C17orf58: variants seen among roughly 807,000 people sequenced by gnomAD.
C17orf58 encodes the protein UPF0450 protein C17orf58.
In C17orf58, 5 loss-of-function variants were observed where a neutral mutation model predicts 7.4. The observed-to-expected ratio is 0.67, with a 90% CI of 0.35 to 1.42. C17orf58 has a LOEUF of 1.42. Among genes scored for constraint, C17orf58 ranks in the 40% most tolerant of loss-of-function variants. The pLI is 0.04. For missense variants in C17orf58, 162 were observed against 174.2 expected (o/e 0.93, Z 0.40); for synonymous variants, 60 against 70.6 (o/e 0.85, Z 0.75).
intron 1 of C17orf58, among the ~76,000 whole-genome samples, chr17:67,995,527 G>T (rs578194465): frequency 6.6e-6 from 1 of 152,332 alleles, no homozygotes; most frequent in East Asian, 1.9e-4. Context: ...ACAAAAACAC[G>T]ATCCCCCAGA....
In C17orf58 at chr17:67,995,844, G is replaced by A. The variant is rs1328591511; in HGVS notation, c.76+279C>T. On this transcript the variant is annotated intron_variant, in intron 1 of 3. Transcript: ENST00000580729. ...CCTTTTGACACTTTCCCTCCTCCGTGATGGAGCAACTACTTAACATGCAAA... is the reference window on the plus strand; with the variant it reads ...CCTTTTGACACTTTCCCTCCTCCGTAATGGAGCAACTACTTAACATGCAAA... 1.1e-4 allele frequency among the ~76,000 whole-genome samples: 17 copies of A among 152,380 alleles called. No individual in the cohort carries two copies. The East Asian group carries it at 2.1e-3, about 19-fold the overall frequency.
chr17:67,992,165 G>A (rs879995064), intron 3 of C17orf58, 62 bp from the exon 4 acceptor site: 5 of 1,413,168 alleles, frequency 3.5e-6, no homozygotes, highest in East Asian at 4.8e-5. Context: ...AACAGAAAAT[G>A]TAAGGCCTTT....
At chr17:67,992,751 G>C (rs529496791) in intron 3 of C17orf58, 1 of 1,075,944 alleles carries the variant, frequency 9.3e-7, no homozygotes, top group South Asian at 1.6e-5. Flanking sequence ...ACTCGGTTCT[G>C]TACAGTCCCT....
rs2070850528 is a variant in C17orf58, at chr17:67,993,013, T to C, written c.829+31A>G. 4 of 1,614,082 alleles carry C rather than the reference T, an allele frequency of 2.5e-6. No individual in the cohort carries two copies. Among genetic ancestry groups the C allele is most frequent in the South Asian group, 2.2e-5 (2 of 91,084 alleles). On this transcript the variant is annotated intron_variant, in intron 3 of 3. Transcript: ENST00000580729. This position sits in a 1 kb window ranked among gnomAD's most constrained non-coding sequence, Gnocchi z 5.1. ...GTTACAAACGGTGGTATAAAGTACA[T>C]ATGCAGCGTCATTCAGGTCAGTTTC...
chr17:67,993,036 T>C lies in C17orf58; in HGVS notation c.829+8A>G. The C allele has an allele frequency of 6.2e-7, 1 of 1,614,152 alleles. No individual in the cohort carries two copies. Among genetic ancestry groups the C allele is most frequent in the Non-Finnish European group, 8.5e-7 (1 of 1,180,014 alleles). On this transcript the variant is annotated splice_region_variant and intron_variant, in intron 3 of 3. Transcript: ENST00000580729. This position sits in a 1 kb window ranked among gnomAD's most constrained non-coding sequence, Gnocchi z 5.1. ...CATATGCAGCGTCATTCAGGTCAGT[T>C]TCAATACCAGGTTTAAACTCTGGAC...
At position 67,996,422 on chromosome 17, in the gene C17orf58, G is replaced by A; in HGVS notation, c.-224C>T. On this transcript the variant is annotated 5_prime_UTR_variant, in exon 1 of 4. Transcript: ENST00000580729. ...GACGAGCACATGGCCTTGCAAAGTT[G>A]TCCCCGGGAATGTCTGTCCTGTGAT... The A allele has an allele frequency of 2.8e-6, 1 of 354,042 alleles. No homozygotes were observed. 21.9% of individuals were successfully genotyped at this position (354,042 alleles called of 1,614,324 possible).
chr17:67,992,772 G>T, intron 3 of C17orf58: 3 of 1,192,434 alleles, frequency 2.5e-6, no homozygotes, highest in Non-Finnish European at 2.3e-6. Flanking sequence ...TCTGGCAATG[G>T]TGTTTGGTCG....
chr17:67,995,931 GA>G, intron 1 of C17orf58, among the ~76,000 whole-genome samples, 191 bp downstream of exon 1: 1 of 152,332 alleles, frequency 6.6e-6, no homozygotes, highest in African/African-American at 2.4e-5. Context: ...GCTTCTTTCC[GA>G]AAAGGCTGCC....
At chr17:67,994,034 A>G in intron 1 of C17orf58, 50 bp from the exon 2 acceptor site, 1 of 383,742 alleles carries the variant, frequency 2.6e-6, no homozygotes, top group Non-Finnish European at 4.6e-6. Context: ...GAGGAGAAGC[A>G]GTGAGGGGAG....
chr17:67,993,840 T>C lies in C17orf58; in HGVS notation c.221A>G (p.Asp74Gly), dbSNP rs1394612756. 9.4e-6 allele frequency: 3 copies of C among 318,656 alleles called. No individual in the cohort carries two copies. The highest frequency in any genetic ancestry group is 5.1e-5 in the Admixed American group (1 of 19,594). 19.7% of individuals were successfully genotyped at this position (318,656 alleles called of 1,614,324 possible). ...EVAPAARAWP[D>G]PRRRKPPPPA... is the part of the protein sequence containing the mutation. Reference sequence around the variant, plus strand: ...CGGTGGGGGCTTCCGGCGGCGCGGGTCAGGCCAGGCGCGGGCGGCGGGAGC... The same window carrying C: ...CGGTGGGGGCTTCCGGCGGCGCGGGCCAGGCCAGGCGCGGGCGGCGGGAGC... The change falls in exon 2 of 4, where the codon GAC (aspartate) becomes GGC (glycine). Residue 74 changes from aspartate to glycine, a missense_variant. Asp to Gly is a moderately conservative substitution (Grantham distance 94, BLOSUM62 -1). This residue lies in a region of C17orf58 where 93 missense variants were observed against 90.4 expected (regional missense o/e 1.03). Transcript: ENST00000580729. This position sits in a 1 kb window ranked among gnomAD's most constrained non-coding sequence, Gnocchi z 5.1.
chr17:67,993,242 C>CGCAGAACGCCT lies in C17orf58; in HGVS notation c.638-8_638-7insAGGCGTTCTGC. On this transcript the variant is annotated splice_polypyrimidine_tract_variant and splice_region_variant and intron_variant, in intron 2 of 3. Coordinates refer to ENST00000580729, the MANE Select transcript of C17orf58 (RefSeq NM_001382359.1). This position sits in a 1 kb window ranked among gnomAD's most constrained non-coding sequence, Gnocchi z 5.1. ...TGCACGATCCCGTTCACCGCTGCTT[C>CGCAGAACGCCT]CGAAAAACAGTTTGGAGAAGAGCAT... The CGCAGAACGCCT allele has an allele frequency of 6.6e-7, 1 of 1,522,326 alleles. No homozygotes were observed. Among genetic ancestry groups the CGCAGAACGCCT allele is most frequent in the African/African-American group, 1.4e-5 (1 of 72,518 alleles). 94.3% of individuals were successfully genotyped at this position (1,522,326 alleles called of 1,614,324 possible).
chr17:67,992,955 T>C, intron 3 of C17orf58, 89 bp downstream of exon 3: 1 of 1,614,174 alleles, frequency 6.2e-7, no homozygotes, highest in Non-Finnish European at 8.5e-7. Context: ...AAAAAAAGGC[T>C]GGGCGACCTA....
chr17:67,991,218 C>G lies in C17orf58; in HGVS notation c.*695G>C. On this transcript the variant is annotated 3_prime_UTR_variant, in exon 4 of 4. Transcript: ENST00000580729. Reference sequence around the variant, plus strand: ...CATTGGGATAGCTGCCAGTTCAGCACAAAACATACATTACTAGGAGCAGGG... The same window carrying G: ...CATTGGGATAGCTGCCAGTTCAGCAGAAAACATACATTACTAGGAGCAGGG... 6.6e-6 allele frequency: 1 copy of G among 152,126 alleles called. No homozygotes were observed. Among genetic ancestry groups the G allele is most frequent in the Non-Finnish European group, 1.5e-5 (1 of 68,006 alleles). 9.4% of individuals were successfully genotyped at this position (152,126 alleles called of 1,614,324 possible). A position where few individuals can be genotyped will look rare whatever the true frequency, so the allele number is the denominator to read the frequency against.
rs782209644 is a variant in C17orf58 at position 67,992,017 on chromosome 17, G to A, written c.916C>T (p.Arg306Cys). 1.9e-6 allele frequency: 3 copies of A among 1,612,770 alleles called. No homozygotes were observed. The highest frequency in any genetic ancestry group is 1.3e-5 in the African/African-American group (1 of 74,904). Residue 306 changes from arginine (R) to cysteine (C), a missense_variant, in exon 4 of 4, where the codon CGT (arginine) becomes TGT (cysteine). Physicochemically the swap from Arg to Cys is radical, Grantham distance 180. Transcript: ENST00000580729. ...CTCCTTAGCAGTCCATCCCCTGGAC[G>A]GAGGCGGCCTCTCAGGACCTGGAGC... ...ALLQVLRGRL[R>C]PGDGLLRSSS...
chr17:67,993,891 G>A lies in C17orf58; in HGVS notation c.170C>T (p.Pro57Leu). 1 of 383,000 alleles carries A rather than the reference G, an allele frequency of 2.6e-6. No homozygotes were observed. The highest frequency in any genetic ancestry group is 4.6e-6 in the Non-Finnish European group (1 of 216,738). 23.7% of individuals were successfully genotyped at this position (383,000 alleles called of 1,614,324 possible). A position where few individuals can be genotyped will look rare whatever the true frequency, so the allele number is the denominator to read the frequency against. ...GACCTCGGCCGCGCGCGGCCGCTGC[G>A]GGGCCTCAAGGAGTGGCTGCGCGCG... Reference protein sequence around the residue: ...GPRAQPLLEAPQRPRAAEVAP... With the variant: ...GPRAQPLLEALQRPRAAEVAP... The change falls in exon 2 of 4, where the codon CCG becomes CTG. Residue 57 changes from proline to leucine, a missense_variant. Transcript: ENST00000580729. This position sits in a 1 kb window ranked among gnomAD's most constrained non-coding sequence, Gnocchi z 5.1.
rs781939369 is a variant in C17orf58 at position 67,992,972 on chromosome 17, G to A, written c.829+72C>T. On this transcript the variant is annotated intron_variant, in intron 3 of 3. Transcript: ENST00000580729. The stretch of plus-strand genomic sequence containing the variant: ...AAAAAGGCTGGGCGACCTACAGCCC[G>A]GGCTGTGGCACCCACGTTACAAACG... The A allele has an allele frequency of 2.5e-6, 4 of 1,613,988 alleles. No individual in the cohort carries two copies. In the South Asian group the frequency reaches 3.3e-5, roughly 13 times the overall value.
chr17:67,995,991 C>G (rs1801881066), intron 1 of C17orf58, 132 bp downstream of exon 1: 1 of 397,348 alleles, frequency 2.5e-6, no homozygotes, highest in South Asian at 1.4e-4. Flanking sequence ...ATAAGACGAA[C>G]GCAGACCCGG....
rs1555699504 is a variant in C17orf58 at position 67,993,743 on chromosome 17, C to A, written c.318G>T (p.Ala106=). The A allele has an allele frequency of 6.6e-6, 1 of 151,266 alleles. No homozygotes were observed. Among genetic ancestry groups the A allele is most frequent in the East Asian group, 2.0e-4 (1 of 5,100 alleles). The allele number at this position is 151,266 out of a possible 1,614,324, so 9.4% of individuals were successfully genotyped here. A position where few individuals can be genotyped will look rare whatever the true frequency, so the allele number is the denominator to read the frequency against. Residue 106 remains alanine, a synonymous_variant, in exon 2 of 4, where the codon GCG becomes GCT. Transcript: ENST00000580729. The surrounding 1 kb of genome is among the most constrained non-coding windows in gnomAD (Gnocchi z 5.1). Reference sequence around the variant, plus strand: ...GCGGCGACGCGCGGTTCTCGGCTTGCGCCAGGCGCGGGCCCGGCGGGCCAG... The same window carrying A: ...GCGGCGACGCGCGGTTCTCGGCTTGAGCCAGGCGCGGGCCCGGCGGGCCAG... ...APAGPPGPRL[A]QAENRASPRR... is the part of the protein sequence containing the mutation.
Position 67,993,247 on chromosome 17 carries a change from A to AG in C17orf58, c.638-13_638-12insC. ...GATCCCGTTCACCGCTGCTTCCGAA[A>AG]AACAGTTTGGAGAAGAGCATTACCC... is the stretch of plus-strand genomic sequence containing the variant. On this transcript the variant is annotated splice_polypyrimidine_tract_variant and intron_variant, in intron 2 of 3. Coordinates refer to ENST00000580729, the MANE Select transcript of C17orf58 (RefSeq NM_001382359.1). The surrounding 1 kb of genome is among the most constrained non-coding windows in gnomAD (Gnocchi z 5.1). 6.6e-7 allele frequency: 1 copy of AG among 1,509,378 alleles called. No homozygotes were observed. Among genetic ancestry groups the AG allele is most frequent in the Non-Finnish European group, 9.0e-7 (1 of 1,108,886 alleles). The allele number at this position is 1,509,378 out of a possible 1,614,324, so 93.5% of individuals were successfully genotyped here. A position where few individuals can be genotyped will look rare whatever the true frequency, so the allele number is the denominator to read the frequency against.
Sources: allele counts gnomAD v4.1 joint callset (sites outside exome capture counted in the v4.1 genomes callset), GRCh38; gene constraint gnomAD v4.1.1; regional missense constraint gnomAD v4.1.1; non-coding constraint Gnocchi (gnomAD v3.1); transcripts MANE v1.5; gene names NCBI Gene and HGNC (gene_info 2026-07-23, HGNC 2026-07-21).